ELOA: variants seen among roughly 807,000 people sequenced by gnomAD.
ELOA encodes elongin-A.
A neutral mutation model predicts 85.2 loss-of-function variants in ELOA; 15 were observed. The ratio of observed to expected loss-of-function variants is 0.18; its 90% CI spans 0.12 to 0.27. ELOA has a LOEUF of 0.27. Among genes scored for constraint, ELOA ranks in the 10% least tolerant of loss-of-function variants. The probability of loss-of-function intolerance (pLI) is 1.00; values close to 1 mark genes in which losing one functional copy is unlikely to be tolerated. For missense variants in ELOA, 769 were observed against 952.7 expected (o/e 0.81, Z 2.54); for synonymous variants, 348 against 357.2 (o/e 0.97, Z 0.29).
chr1:23,755,607 C>G (rs1233608159), intron 7 of ELOA, among the ~76,000 whole-genome samples: 2 of 151,990 alleles, frequency 1.3e-5, no homozygotes, highest in Non-Finnish European at 2.9e-5. Context: ...CATGGCAAAA[C>G]CCCATCTCTA....
Position 23,744,723 on chromosome 1 carries a change from C to G in ELOA, c.75+1145C>G, listed in dbSNP as rs569694355. The stretch of plus-strand genomic sequence containing the variant: ...GTGGAAGTACAACGATGAAAAAGCA[C>G]TTATGTGTTTGGCATTCTCCGTCAT... On this transcript the variant is annotated intron_variant, in intron 1 of 10. Coordinates refer to ENST00000613537, the MANE Select transcript of ELOA (RefSeq NM_003198.3). Among the ~76,000 whole-genome samples the G allele has an allele frequency of 2.6e-5, 4 of 152,270 alleles. No homozygotes were observed. The East Asian group carries it at 7.7e-4, about 29-fold the overall frequency.
intron 10 of ELOA, among the ~76,000 whole-genome samples, chr1:23,758,167 C>T (rs1353409902): frequency 1.3e-5 from 2 of 150,660 alleles, no homozygotes; most frequent in Non-Finnish European, 2.9e-5. Context: ...AGCTAAATGA[C>T]AGGCCCTCTT....
intron 3 of ELOA, among the ~76,000 whole-genome samples, chr1:23,750,206 C>T (rs192328883): frequency 3.4e-4 from 41 of 119,674 alleles, no homozygotes; most frequent in Middle Eastern, 9.1e-3. Flanking sequence ...GACAGAGTCT[C>T]GCTCTGTTGC....
rs1396772756 is a variant in ELOA, at chr1:23,761,156, T to C, written c.*1583T>C. ...GTGTATTGCTGTGCAGGGTGCCTAT[T>C]GTGACAGGACACAAATGTTACTATG... On this transcript the variant is annotated 3_prime_UTR_variant, in exon 11 of 11. Coordinates refer to ENST00000613537, the MANE Select transcript of ELOA (RefSeq NM_003198.3). 1.3e-5 allele frequency: 2 copies of C among 152,182 alleles called. No individual in the cohort carries two copies. Among genetic ancestry groups the C allele is most frequent in the East Asian group, 3.8e-4 (2 of 5,204 alleles). The allele number at this position is 152,182 out of a possible 1,614,324, so 9.4% of individuals were successfully genotyped here. A position where few individuals can be genotyped will look rare whatever the true frequency, so the allele number is the denominator to read the frequency against.
chr1:23,752,451 G>C lies in ELOA; in HGVS notation c.1470G>C (p.Ala490=). The change falls in exon 5 of 11, where the codon GCG becomes GCC. Residue 490 remains alanine, a synonymous_variant. Coordinates refer to ENST00000613537, the MANE Select transcript of ELOA (RefSeq NM_003198.3). ...LPVLPDLPLP[A]IQANYRPLPS... is the part of the protein sequence containing the mutation. The stretch of plus-strand genomic sequence containing the variant: ...TGTTGCCAGACCTCCCGTTACCCGC[G>C]ATACAGGCCAATTACCGTCCACTGC... 3 of 1,614,116 alleles carry C rather than the reference G, an allele frequency of 1.9e-6. No individual in the cohort carries two copies. The highest frequency in any genetic ancestry group is 1.3e-5 in the African/African-American group (1 of 75,036).
intron 10 of ELOA, among the ~76,000 whole-genome samples, chr1:23,759,276 G>T (rs1638256911): frequency 1.3e-5 from 2 of 152,260 alleles, no homozygotes; most frequent in African/African-American, 4.8e-5. Context: ...GGCTCTCTGA[G>T]CCTTGGTGCA....
Position 23,757,813 on chromosome 1 carries a change from A to G in ELOA, c.2257+688A>G, listed in dbSNP as rs1351567066. Among the ~76,000 whole-genome samples, 5 of 139,714 alleles carry G rather than the reference A, an allele frequency of 3.6e-5. No homozygotes were observed. The South Asian group carries it at 6.4e-4, about 18-fold the overall frequency. 91.7% of individuals were successfully genotyped at this position (139,714 alleles called of 152,430 possible). On this transcript the variant is annotated intron_variant, in intron 10 of 10. Transcript: ENST00000613537. ...GTGCCCGGCCGACCCTGTCTCTGGA[A>G]AAAAAAAAAAAAAAAAAGTGAAAGT...
In ELOA at chr1:23,759,692, G is replaced by A. The variant is rs770571333; in HGVS notation, c.*119G>A. ...TGCTTTGTGGATCCTTTTGGTCTCC[G>A]AGTCCTGCAGTCTGCAGGTGCTGCC... On this transcript the variant is annotated 3_prime_UTR_variant, in exon 11 of 11. Transcript: ENST00000613537. The A allele has an allele frequency of 2.2e-4, 257 of 1,176,770 alleles. No homozygotes were observed. The highest frequency in any genetic ancestry group is 2.9e-4 in the Non-Finnish European group (237 of 806,358). 72.9% of individuals were successfully genotyped at this position (1,176,770 alleles called of 1,614,324 possible).
chr1:23,756,445 C>T (rs1475138380), intron 9 of ELOA, 60 bp downstream of exon 9: 29 of 1,442,912 alleles, frequency 2.0e-5, no homozygotes, highest in African/African-American at 1.1e-4. Flanking sequence ...GTAGCCATAG[C>T]GGCAGGAAGC....
intron 5 of ELOA, 37 bp downstream of exon 5, chr1:23,752,555 A>G (rs1644776168): frequency 6.3e-7 from 1 of 1,581,790 alleles, no homozygotes; most frequent in Non-Finnish European, 8.6e-7. Flanking sequence ...AATGGGAAAA[A>G]GATTTAAAAA....
Position 23,752,517 on chromosome 1 carries a change from A to C in ELOA, c.1536A>C (p.Lys512Asn). 1 of 1,613,318 alleles carries C rather than the reference A, an allele frequency of 6.2e-7. No homozygotes were observed. Among genetic ancestry groups the C allele is most frequent in the Non-Finnish European group, 8.5e-7 (1 of 1,179,538 alleles). ...TATCCTCCTTCCAGCCAAAGCGAAA[A>C]GGTAATTTTCTATATCTTCTTTTTC... ...ELISSFQPKR[K>N]AFSSPQEEEE... The change falls in exon 5 of 11, where the codon AAA (lysine) becomes AAC (asparagine). Residue 512 changes from lysine (K) to asparagine (N), a missense_variant and splice_region_variant. Coordinates refer to ENST00000613537, the MANE Select transcript of ELOA (RefSeq NM_003198.3).
At chr1:23,754,983 C>G (rs1196842546) in intron 7 of ELOA, among the ~76,000 whole-genome samples, 1 of 150,392 alleles carries the variant, frequency 6.6e-6, no homozygotes, top group Non-Finnish European at 1.5e-5. Context: ...GTTGCTTCGA[C>G]TGCAGTACAG....
chr1:23,746,983 T>C (rs1241941059), intron 1 of ELOA, among the ~76,000 whole-genome samples: 1 of 152,224 alleles, frequency 6.6e-6, no homozygotes, highest in Non-Finnish European at 1.5e-5. Flanking sequence ...TCTGAAAATC[T>C]TGAGGGTTTT....
chr1:23,758,255 ATTTATTTTTTTTTTTTTTTT>A (rs1452293484), intron 10 of ELOA, among the ~76,000 whole-genome samples: 1 of 36,220 alleles, frequency 2.8e-5, no homozygotes, highest in African/African-American at 1.5e-4. Context: ...CAATTTATTT[ATTTATTTTTTTTTTTTTTTT>A]TTTTTTTTTT....
chr1:23,752,659 C>T, intron 5 of ELOA, 141 bp downstream of exon 5: 1 of 840,026 alleles, frequency 1.2e-6, no homozygotes, highest in South Asian at 1.7e-5. Context: ...GGGTTCTAAA[C>T]CAACCAGGCG....
At chr1:23,754,029 A>G in intron 5 of ELOA, 71 bp from the exon 6 acceptor site, 2 of 1,550,894 alleles carry the variant, frequency 1.3e-6, no homozygotes, top group Non-Finnish European at 1.7e-6. Flanking sequence ...GGGAAGTAGG[A>G]GGCTGAAGGG....
rs185512297 is a variant in ELOA at position 23,743,594 on chromosome 1, G to A, written c.75+16G>A. 2.2e-3 allele frequency: 3,300 copies of A among 1,476,804 alleles called. 64 individuals are homozygous for A. The African/African-American group carries it at 0.042, about 19-fold the overall frequency. The allele number at this position is 1,476,804 out of a possible 1,614,324, so 91.5% of individuals were successfully genotyped here. A position where few individuals can be genotyped will look rare whatever the true frequency, so the allele number is the denominator to read the frequency against. The stretch of plus-strand genomic sequence containing the variant: ...CCCTAAGAAGGTAAGCGAGGGGGCG[G>A]CGCGTAGCGGGATGGGCGTTGGGTC... On this transcript the variant is annotated intron_variant, in intron 1 of 10. Transcript: ENST00000613537.
Position 23,749,399 on chromosome 1 carries a change from TTTAG to T in ELOA, c.132+326_132+329del, listed in dbSNP as rs771783368. Among the ~76,000 whole-genome samples, 8 of 152,368 alleles carry T rather than the reference TTTAG, an allele frequency of 5.3e-5. No individual in the cohort carries two copies. In the East Asian group the frequency reaches 1.2e-3, roughly 22 times the overall value. On this transcript the variant is annotated intron_variant, in intron 2 of 10. Coordinates refer to ENST00000613537, the MANE Select transcript of ELOA (RefSeq NM_003198.3). Reference sequence around the variant, plus strand: ...TTCTGGAAACCACTGAATTATGTACTTTAGTTAAAGTGGTGAATATTGTTAAATG... The same window carrying T: ...TTCTGGAAACCACTGAATTATGTACTTTAAAGTGGTGAATATTGTTAAATG...
chr1:23,751,221 T>C lies in ELOA; in HGVS notation c.616T>C (p.Ser206Pro), dbSNP rs538159087. 6.2e-7 allele frequency: 1 copy of C among 1,614,058 alleles called. No individual in the cohort carries two copies. Among genetic ancestry groups the C allele is most frequent in the Non-Finnish European group, 8.5e-7 (1 of 1,180,048 alleles). The change falls in exon 4 of 11, where the codon TCA becomes CCA. Residue 206 changes from serine (S) to proline (P), a missense_variant. Physicochemically the swap from Ser to Pro is moderately conservative, Grantham distance 74 (BLOSUM62 -1). Around this residue, in one of 4 missense-constraint regions of ELOA, gnomAD observed 440 missense variants for 474.0 expected, o/e 0.93. Transcript: ENST00000613537. Reference sequence around the variant, plus strand: ...GGAGGAGGACCAGGAGCCCATTGTTTCACACCAGAAGCCTGGGAAAGGCCA... The same window carrying C: ...GGAGGAGGACCAGGAGCCCATTGTTCCACACCAGAAGCCTGGGAAAGGCCA... ...SLEEDQEPIV[S>P]HQKPGKGHSN...
Sources: allele counts gnomAD v4.1 joint callset (sites outside exome capture counted in the v4.1 genomes callset), GRCh38; gene constraint gnomAD v4.1.1; regional missense constraint gnomAD v4.1.1; transcripts MANE v1.5; gene names NCBI Gene and HGNC (gene_info 2026-07-23, HGNC 2026-07-21).